Variants in TCF7L2 observed in about 807,000 individuals in gnomAD.
TCF7L2 encodes transcription factor 7-like 2.
A neutral mutation model predicts 77.9 loss-of-function variants in TCF7L2; 23 were observed. The ratio of observed to expected loss-of-function variants is 0.30; its 90% CI spans 0.21 to 0.42. The LOEUF (loss-of-function observed/expected upper bound fraction) is 0.42. TCF7L2 is among the 10% of genes least tolerant of loss of function. TCF7L2 has a pLI of 1.00. For synonymous variants in TCF7L2, 413 were observed against 340.2 expected (o/e 1.21, Z -2.36); for missense variants, 654 against 793.1 (o/e 0.82, Z 2.11).
At chr10:113,108,095 C>G (rs1001634136) in intron 5 of TCF7L2, among the ~76,000 whole-genome samples, 1 of 152,148 alleles carries the variant, frequency 6.6e-6, no homozygotes, top group Non-Finnish European at 1.5e-5. Flanking sequence ...TACTTCCCCA[C>G]CAAGCTTCCT....
intron 5 of TCF7L2, among the ~76,000 whole-genome samples, chr10:113,096,550 G>T (rs182658740): frequency 2.6e-4 from 39 of 152,070 alleles, no homozygotes; most frequent in Admixed American, 2.5e-3. Flanking sequence ...ATTTCAAACC[G>T]GTTTGCATTA....
chr10:113,118,041 T>C (rs1361088297), intron 5 of TCF7L2, among the ~76,000 whole-genome samples: 2 of 147,932 alleles, frequency 1.4e-5, no homozygotes, highest in Non-Finnish European at 1.5e-5. Flanking sequence ...CAAGTTTTTT[T>C]TGGTGCTGTG....
chr10:113,143,841 C>G lies in TCF7L2; in HGVS notation c.686-82C>G, dbSNP rs565313207. The G allele has an allele frequency of 8.9e-5, 89 of 998,528 alleles. No individual in the cohort carries two copies. In the South Asian group the frequency reaches 1.4e-3, roughly 15 times the overall value. 61.9% of individuals were successfully genotyped at this position (998,528 alleles called of 1,614,324 possible). On this transcript the variant is annotated intron_variant, in intron 6 of 13. Transcript: ENST00000627217. ...TTCCAGAAGAGATGCGTCTCTTCCT[C>G]CTTTCCCTGTTCCCATCCCCTAATG...
At chr10:112,963,210 G>A (rs2035751468) in intron 3 of TCF7L2, among the ~76,000 whole-genome samples, 4 of 151,778 alleles carry the variant, frequency 2.6e-5, no homozygotes, top group Admixed American at 2.0e-4. Flanking sequence ...TGAACAACAT[G>A]GATTTAGACT....
rs558411019 is a variant in TCF7L2, at chr10:113,115,589, GT to G, written c.553-25593del. The stretch of plus-strand genomic sequence containing the variant: ...GCACGGAACGTTGTGATGAACACAA[GT>G]TGTTGTGTCTTGTGTTTTTCCCCCC... On this transcript the variant is annotated intron_variant, in intron 5 of 13. Transcript: ENST00000627217. 7.0e-4 allele frequency among the ~76,000 whole-genome samples: 107 copies of G among 152,284 alleles called. 1 individual carries two copies. Among genetic ancestry groups the G allele is most frequent in the African/African-American group, 2.5e-3 (104 of 41,576 alleles).
At chr10:112,952,231 ATTTAGCTTT>A (rs2031882928) in intron 3 of TCF7L2, among the ~76,000 whole-genome samples, 1 of 152,088 alleles carries the variant, frequency 6.6e-6, no homozygotes, top group Non-Finnish European at 1.5e-5. Context: ...GCGACTATGT[ATTTAGCTTT>A]CTAGTGGAGA....
chr10:112,966,257 T>C (rs1266428160), intron 4 of TCF7L2, among the ~76,000 whole-genome samples: 2 of 149,424 alleles, frequency 1.3e-5, no homozygotes, highest in Non-Finnish European at 2.9e-5. Context: ...AACCTTCTTA[T>C]GTGTGTCTTT....
At chr10:113,124,201 A>T (rs796719905) in intron 5 of TCF7L2, among the ~76,000 whole-genome samples, 40 of 134,206 alleles carry the variant, frequency 3.0e-4, no homozygotes, top group South Asian at 6.6e-4. Flanking sequence ...CTTAAAAAAA[A>T]TTTTTTTTAT....
At position 113,138,248 on chromosome 10, in the gene TCF7L2, C is replaced by T. The variant is rs148640712; in HGVS notation, c.553-2936C>T. Among the ~76,000 whole-genome samples the T allele has an allele frequency of 1.7e-3, 251 of 147,472 alleles. 1 individual carries two copies. Among genetic ancestry groups the T allele is most frequent in the African/African-American group, 5.9e-3 (234 of 39,876 alleles). On this transcript the variant is annotated intron_variant, in intron 5 of 13. Transcript: ENST00000627217. ...TAAAACTTCCAGTTCCCTGCCACCC[C>T]CTCCACCCCACCCCCACCCCCATGG... is the stretch of plus-strand genomic sequence containing the variant.
At chr10:113,121,501 C>A (rs1302246680) in intron 5 of TCF7L2, among the ~76,000 whole-genome samples, 1 of 152,154 alleles carries the variant, frequency 6.6e-6, no homozygotes, top group Non-Finnish European at 1.5e-5. Context: ...AGAGGAAATT[C>A]TTTTGAACGT....
intron 13 of TCF7L2, among the ~76,000 whole-genome samples, chr10:113,163,999 G>C (rs549742625): frequency 2.0e-5 from 3 of 152,334 alleles, no homozygotes; most frequent in African/African-American, 7.2e-5. Flanking sequence ...GCAGCATCTT[G>C]GTTGCTTCCA....
intron 5 of TCF7L2, among the ~76,000 whole-genome samples, chr10:113,064,281 G>A (rs1346834556): frequency 1.3e-5 from 2 of 152,200 alleles, no homozygotes; most frequent in African/African-American, 4.8e-5. Context: ...CCAAATGGTG[G>A]CTGCAGAGGT....
chr10:113,064,171 A>G (rs1375866930), intron 5 of TCF7L2, among the ~76,000 whole-genome samples: 1 of 152,092 alleles, frequency 6.6e-6, no homozygotes, highest in Non-Finnish European at 1.5e-5. Flanking sequence ...CAGGCATCAC[A>G]ATTTTCTTGC....
At chr10:113,068,075 C>T (rs963534233) in intron 5 of TCF7L2, among the ~76,000 whole-genome samples, 11 of 152,124 alleles carry the variant, frequency 7.2e-5, no homozygotes, top group Non-Finnish European at 1.2e-4. Flanking sequence ...ATGTCCTTTT[C>T]AAAACAGTGT....
intron 4 of TCF7L2, among the ~76,000 whole-genome samples, chr10:113,022,822 G>GCT (rs10659211): frequency 0.24 from 36,727 of 152,044 alleles, 4,887 homozygotes; most frequent in Middle Eastern, 0.37. Context: ...GCTGTGCTGA[G>GCT]AGAGGTGAGT....
intron 5 of TCF7L2, among the ~76,000 whole-genome samples, chr10:113,064,630 A>C (rs1173141801): frequency 6.6e-6 from 1 of 152,178 alleles, no homozygotes; most frequent in African/African-American, 2.4e-5. Context: ...CATGCACTGT[A>C]GCTGGTCTTG....
intron 5 of TCF7L2, among the ~76,000 whole-genome samples, chr10:113,073,986 A>G (rs901171375): frequency 3.9e-5 from 6 of 152,142 alleles, no homozygotes. Flanking sequence ...GGGTTTGTCC[A>G]TTCCACATCC....
chr10:113,105,627 C>T (rs764314108), intron 5 of TCF7L2, among the ~76,000 whole-genome samples: 10 of 152,176 alleles, frequency 6.6e-5, no homozygotes, highest in Non-Finnish European at 1.5e-4. Context: ...CCTCACCTGT[C>T]TAGTGGGGTT....
chr10:113,101,909 C>T (rs761574218), intron 5 of TCF7L2, among the ~76,000 whole-genome samples: 15 of 142,206 alleles, frequency 1.1e-4, no homozygotes, highest in Non-Finnish European at 2.0e-4. Flanking sequence ...GAGGCCAAGG[C>T]GGGTGGATTG....
Sources: gnomAD v4.1 joint callset for allele counts (sites outside exome capture counted in the v4.1 genomes callset) on GRCh38, gnomAD v4.1.1 for gene constraint, MANE v1.5 for transcripts, NCBI Gene and HGNC (gene_info 2026-07-23, HGNC 2026-07-21) for gene names.